The following WSCD2 variants were observed in gnomAD, a reference collection of about 807,000 sequenced individuals.
The protein encoded by WSCD2 is WSC domain sialate O sulfotransferase 2.
A neutral mutation model predicts 55.7 loss-of-function variants in WSCD2; 28 were observed. That is an observed-to-expected ratio of 0.50 (90% CI 0.37 to 0.69). The LOEUF (loss-of-function observed/expected upper bound fraction) is 0.69, where lower values mean the gene tolerates loss of function less well. Among genes scored for constraint, WSCD2 ranks in the 30% least tolerant of loss-of-function variants. The pLI is 0.00. For missense variants in WSCD2, 616 were observed against 762.1 expected (o/e 0.81, Z 2.26); for synonymous variants, 301 against 301.9 (o/e 1.00, Z 0.03).
chr12:108,243,779 G>A (rs1889916848), intron 8 of WSCD2, among the ~76,000 whole-genome samples: 1 of 152,090 alleles, frequency 6.6e-6, no homozygotes, highest in Non-Finnish European at 1.5e-5. Context: ...TGCTGCTTTT[G>A]GATGCCCTCG....
At chr12:108,218,982 C>A (rs540722284) in intron 4 of WSCD2, among the ~76,000 whole-genome samples, 1 of 152,276 alleles carries the variant, frequency 6.6e-6, no homozygotes, top group African/African-American at 2.4e-5. Context: ...GTATTTTTAT[C>A]TGAACCTAGG....
rs181828715 is a variant in WSCD2 at position 108,147,724 on chromosome 12, C to T, written c.-552+17798C>T. Among the ~76,000 whole-genome samples, 203 of 152,068 alleles carry T rather than the reference C, an allele frequency of 1.3e-3. 1 individual carries two copies. The highest frequency in any genetic ancestry group is 4.8e-3 in the African/African-American group (199 of 41,474). On this transcript the variant is annotated intron_variant, in intron 1 of 8. Coordinates refer to ENST00000547525, the MANE Select transcript of WSCD2 (RefSeq NM_014653.4). ...GAACTCTGCCTCTACAAAAAAATTA[C>T]AGAAATTAGCCGGGTGTGGTGTTGC...
chr12:108,155,192 A>G (rs1878395409), intron 1 of WSCD2, among the ~76,000 whole-genome samples: 1 of 152,170 alleles, frequency 6.6e-6, no homozygotes, highest in South Asian at 2.1e-4. Flanking sequence ...CTATTAGCAT[A>G]TTAGTATGTT....
At chr12:108,229,849 C>T (rs565542883) in intron 6 of WSCD2, among the ~76,000 whole-genome samples, 5 of 149,524 alleles carry the variant, frequency 3.3e-5, no homozygotes, top group Non-Finnish European at 7.4e-5. Flanking sequence ...ACCTATCAAC[C>T]CAACATTTTG....
Position 108,248,091 on chromosome 12 carries a change from C to G in WSCD2, c.1446C>G (p.Asp482Glu), listed in dbSNP as rs750660122. Residue 482 changes from aspartate (D) to glutamate (E), a missense_variant, in exon 9 of 9, where the codon GAC becomes GAG. Around this residue, in one of 3 missense-constraint regions of WSCD2, gnomAD observed 234 missense variants for 264.6 expected, o/e 0.88. Coordinates refer to ENST00000547525, the MANE Select transcript of WSCD2 (RefSeq NM_014653.4). The surrounding 1 kb of genome is among the most constrained non-coding windows in gnomAD (Gnocchi z 4.3). ...AGGTGCTGGTGGTGCACTTTGAGGA[C>G]CTGAAGCAGGACCTCTTTGTCCAGC... ...GKKVLVVHFE[D>E]LKQDLFVQLG... 5 of 1,614,198 alleles carry G rather than the reference C, an allele frequency of 3.1e-6. No homozygotes were observed.
Position 108,159,502 on chromosome 12 carries a change from C to T in WSCD2, c.-552+29576C>T, listed in dbSNP as rs138464341. On this transcript the variant is annotated intron_variant, in intron 1 of 8. Coordinates refer to ENST00000547525, the MANE Select transcript of WSCD2 (RefSeq NM_014653.4). ...GCCTCTGGCCACTCATTTGTGATCC[C>T]CGTGGAGGGTAAGACTCTTGTCTTG... Among the ~76,000 whole-genome samples, 1,475 of 152,312 alleles carry T rather than the reference C, an allele frequency of 9.7e-3. 8 individuals carry two copies. The highest frequency in any genetic ancestry group is 0.014 in the Non-Finnish European group (942 of 68,036).
chr12:108,231,914 A>C (rs1888800220), intron 6 of WSCD2, among the ~76,000 whole-genome samples: 1 of 152,198 alleles, frequency 6.6e-6, no homozygotes, highest in Non-Finnish European at 1.5e-5. Context: ...GGAAGGAAAG[A>C]GGGAAGGAAG....
chr12:108,240,359 G>C lies in WSCD2; in HGVS notation c.1160G>C (p.Arg387Pro). 1.2e-6 allele frequency: 2 copies of C among 1,614,078 alleles called. No individual in the cohort carries two copies. Among genetic ancestry groups the C allele is most frequent in the South Asian group, 2.2e-5 (2 of 91,076 alleles). The change falls in exon 8 of 9, where the codon CGG (arginine) becomes CCG (proline). Residue 387 changes from arginine (R) to proline (P), a missense_variant. Transcript: ENST00000547525. ...SLYNKGFKGE[R>P]DHWRSGRTIC... is the part of the protein sequence containing the mutation. ...CTGCGGGAAGGGTTTAAAGGTGAGCGGGACCACTGGCGCAGCGGACGGACC... is the reference window on the plus strand; with the variant it reads ...CTGCGGGAAGGGTTTAAAGGTGAGCCGGACCACTGGCGCAGCGGACGGACC...
intron 1 of WSCD2, among the ~76,000 whole-genome samples, chr12:108,188,398 G>A (rs1882774625): frequency 6.6e-6 from 1 of 152,078 alleles, no homozygotes; most frequent in Non-Finnish European, 1.5e-5. Context: ...TCAAAGATCT[G>A]CAGAACCACA....
chr12:108,166,805 C>CTTTCTT (rs1338166623), intron 1 of WSCD2, among the ~76,000 whole-genome samples: 90 of 132,256 alleles, frequency 6.8e-4, no homozygotes, highest in African/African-American at 2.4e-3. Context: ...TTCTTTCTTT[C>CTTTCTT]TCTCTTTTTT....
intron 4 of WSCD2, among the ~76,000 whole-genome samples, chr12:108,220,802 T>C (rs1887426700): frequency 6.6e-6 from 1 of 152,166 alleles, no homozygotes. Context: ...CCTCCTAAAG[T>C]GTTGGGCTTA....
intron 1 of WSCD2, among the ~76,000 whole-genome samples, chr12:108,191,242 A>G (rs17040288): frequency 0.027 from 4,073 of 152,298 alleles, 177 homozygotes; most frequent in African/African-American, 0.092. Context: ...CTTCAAACAC[A>G]GTATCCAGCA....
chr12:108,153,101 T>TCAAA (rs111444949), intron 1 of WSCD2, among the ~76,000 whole-genome samples: 10,652 of 150,684 alleles, frequency 0.071, 480 homozygotes, highest in African/African-American at 0.12. Flanking sequence ...AGACTCTGTC[T>TCAAA]CAAACAAACA....
At chr12:108,173,810 C>CTCTCTCTCTCTGTGTGTG (rs376999073) in intron 1 of WSCD2, among the ~76,000 whole-genome samples, 1 of 131,144 alleles carries the variant, frequency 7.6e-6, no homozygotes, top group African/African-American at 3.1e-5. Flanking sequence ...TCCTGGCTCT[C>CTCTCTCTCTCTGTGTGTG]TGTGTGTGTG....
At chr12:108,177,919 G>C (rs1036960723) in intron 1 of WSCD2, among the ~76,000 whole-genome samples, 1 of 152,024 alleles carries the variant, frequency 6.6e-6, no homozygotes, top group African/African-American at 2.4e-5. Context: ...GGTCACCTGG[G>C]TGTGTACATA....
At position 108,195,837 on chromosome 12, in the gene WSCD2, C is replaced by T; in HGVS notation, c.5C>T (p.Ala2Val). The change falls in exon 2 of 9, where the codon GCC (alanine) becomes GTC (valine). Residue 2 changes from alanine (A) to valine (V), a missense_variant. By Grantham distance (64) the Ala-to-Val change is moderately conservative. Around this residue, in one of 3 missense-constraint regions of WSCD2, gnomAD observed 374 missense variants for 467.4 expected, o/e 0.80. Transcript: ENST00000547525. ...CCAGTCCGGAATGATCCCACTATGG[C>T]CAAGCTCTGGTTCAAATTCCAGCGG... M[A>V]KLWFKFQRYF... 6.2e-7 allele frequency: 1 copy of T among 1,608,344 alleles called. No individual in the cohort carries two copies. Among genetic ancestry groups the T allele is most frequent in the East Asian group, 2.2e-5 (1 of 44,842 alleles).
chr12:108,160,186 G>A (rs1878920698), intron 1 of WSCD2, among the ~76,000 whole-genome samples: 1 of 152,198 alleles, frequency 6.6e-6, no homozygotes, highest in South Asian at 2.1e-4. Context: ...TCTGCAGGAA[G>A]ATGGTTGGTG....
intron 1 of WSCD2, among the ~76,000 whole-genome samples, chr12:108,171,039 T>A (rs1880188792): frequency 6.6e-6 from 1 of 152,180 alleles, no homozygotes; most frequent in Admixed American, 6.5e-5. Context: ...CTGGTTCTTT[T>A]GTGCCCATGA....
Position 108,248,635 on chromosome 12 carries a change from A to C in WSCD2, c.*292A>C. On this transcript the variant is annotated 3_prime_UTR_variant, in exon 9 of 9. Coordinates refer to ENST00000547525, the MANE Select transcript of WSCD2 (RefSeq NM_014653.4). The surrounding 1 kb of genome is among the most constrained non-coding windows in gnomAD (Gnocchi z 4.3). The stretch of plus-strand genomic sequence containing the variant: ...TGTCTCCTGGGTCCCTGCCCCCACC[A>C]CTCTGGGTTCCATTTGTGGGAGGGA... 9 of 1,121,022 alleles carry C rather than the reference A, an allele frequency of 8.0e-6. No homozygotes were observed. The highest frequency in any genetic ancestry group is 3.3e-5 in the South Asian group (1 of 30,052). The allele number at this position is 1,121,022 out of a possible 1,614,324, so 69.4% of individuals were successfully genotyped here.
Sources: allele counts gnomAD v4.1 joint callset (sites outside exome capture counted in the v4.1 genomes callset), GRCh38; gene constraint gnomAD v4.1.1; regional missense constraint gnomAD v4.1.1; non-coding constraint Gnocchi (gnomAD v3.1); transcripts MANE v1.5; gene names NCBI Gene and HGNC (gene_info 2026-07-23, HGNC 2026-07-21).